UFSP2: variants seen among roughly 807,000 people sequenced by gnomAD.
UFSP2 encodes UFM1 specific peptidase 2, also known as ufm1-specific protease 2.
In UFSP2, 43 loss-of-function variants were observed where a neutral mutation model predicts 60.2. The observed-to-expected ratio is 0.71, with a 90% CI of 0.56 to 0.92. The LOEUF (loss-of-function observed/expected upper bound fraction) is 0.92. Ranked by LOEUF, UFSP2 falls within the 40% of genes least tolerant of loss-of-function variation. UFSP2 has a pLI of 0.00. For synonymous variants in UFSP2, 183 were observed against 195.1 expected (o/e 0.94, Z 0.52); for missense variants, 520 against 575.0 (o/e 0.90, Z 0.98).
intron 11 of UFSP2, chr4:185,402,190 T>C: frequency 2.5e-6 from 1 of 393,984 alleles, no homozygotes; most frequent in East Asian, 7.1e-5. Flanking sequence ...CCTCGTGTAA[T>C]ACTAGTGCTT....
At chr4:185,423,862 G>A (rs938564564) in intron 1 of UFSP2, among the ~76,000 whole-genome samples, 4 of 152,008 alleles carry the variant, frequency 2.6e-5, no homozygotes, top group African/African-American at 9.7e-5. Flanking sequence ...GAAAGAGAGC[G>A]GGAGATTTCT....
chr4:185,411,426 A>G (rs2095529150), intron 7 of UFSP2, among the ~76,000 whole-genome samples: 1 of 152,194 alleles, frequency 6.6e-6, no homozygotes, highest in Non-Finnish European at 1.5e-5. Flanking sequence ...GTATATCACT[A>G]ATAAAAAAAC....
intron 2 of UFSP2, among the ~76,000 whole-genome samples, chr4:185,422,215 A>G (rs2095550677): frequency 6.6e-6 from 1 of 152,202 alleles, no homozygotes; most frequent in African/African-American, 2.4e-5. Context: ...CTCATTGTGG[A>G]TATTTACATT....
chr4:185,405,726 G>T, intron 10 of UFSP2, 54 bp downstream of exon 10: 1 of 1,537,088 alleles, frequency 6.5e-7, no homozygotes, highest in South Asian at 1.2e-5. Context: ...TTATATCAAT[G>T]ATAAGTTTTG....
chr4:185,413,942 G>C, intron 6 of UFSP2, 70 bp from the exon 7 acceptor site: 1 of 1,374,928 alleles, frequency 7.3e-7, no homozygotes, highest in South Asian at 1.5e-5. Context: ...AATAAATAAA[G>C]ATGTTATTAA....
chr4:185,405,894 C>T lies in UFSP2; in HGVS notation c.1122-38G>A. ...CATTTTCTATCAGATGAACTACTTC[C>T]AACACTACGGTCAAATAATGAGCTA... On this transcript the variant is annotated intron_variant, in intron 9 of 11. Transcript: ENST00000264689. 4 of 1,613,662 alleles carry T rather than the reference C, an allele frequency of 2.5e-6. No individual in the cohort carries two copies. In the Admixed American group the frequency reaches 5.0e-5, roughly 20 times the overall value.
chr4:185,420,629 A>C (rs191634815), intron 2 of UFSP2, among the ~76,000 whole-genome samples: 2 of 152,346 alleles, frequency 1.3e-5, no homozygotes, highest in East Asian at 3.9e-4. Flanking sequence ...GCAGAATTTA[A>C]AGATTTTCAG....
At chr4:185,422,210 T>G (rs2153295248) in intron 2 of UFSP2, among the ~76,000 whole-genome samples, 1 of 152,344 alleles carries the variant, frequency 6.6e-6, no homozygotes, top group South Asian at 2.1e-4. Context: ...ACGTGCTCAT[T>G]GTGGATATTT....
At chr4:185,408,151 AT>A (rs921252622) in intron 8 of UFSP2, 91 bp from the exon 9 acceptor site, 79 of 1,531,004 alleles carry the variant, frequency 5.2e-5, no homozygotes, top group South Asian at 7.0e-5. Context: ...CAGTACAAGA[AT>A]TTTTTTTTCT....
In UFSP2 at chr4:185,423,769, T is replaced by C. The variant is rs746787749; in HGVS notation, c.4-1206A>G. On this transcript the variant is annotated intron_variant, in intron 1 of 11. Coordinates refer to ENST00000264689, the MANE Select transcript of UFSP2 (RefSeq NM_018359.5). ...GTATCATTGTTTGTGTACACATATA[T>C]ACACACACAGATACACATATTCATA... Among the ~76,000 whole-genome samples, 18 of 151,850 alleles carry C rather than the reference T, an allele frequency of 1.2e-4. 1 individual carries two copies. The highest frequency in any genetic ancestry group is 1.3e-4 in the Admixed American group (2 of 15,224).
At chr4:185,401,073 GTTATT>G (rs1240163802) in intron 11 of UFSP2, among the ~76,000 whole-genome samples, 5 of 152,262 alleles carry the variant, frequency 3.3e-5, no homozygotes, top group African/African-American at 1.2e-4. Context: ...GGGCCACTGA[GTTATT>G]TTATTAAAGA....
At chr4:185,414,687 T>G (rs559022803) in intron 6 of UFSP2, among the ~76,000 whole-genome samples, 13 of 152,318 alleles carry the variant, frequency 8.5e-5, no homozygotes, top group South Asian at 4.1e-4. Flanking sequence ...CTGGTCATGT[T>G]TTCTCCAAAA....
chr4:185,415,148 G>C lies in UFSP2; in HGVS notation c.684+7C>G. 1 of 1,570,718 alleles carries C rather than the reference G, an allele frequency of 6.4e-7. No homozygotes were observed. The highest frequency in any genetic ancestry group is 2.2e-5 in the Admixed American group (1 of 45,534). On this transcript the variant is annotated splice_region_variant and intron_variant, in intron 6 of 11. Transcript: ENST00000264689. ...GTTTTTTCTAAGAATAGATGAACTGGTTTTACCTTCCTATAGGCCTGCAGC... is the reference window on the plus strand; with the variant it reads ...GTTTTTTCTAAGAATAGATGAACTGCTTTTACCTTCCTATAGGCCTGCAGC...
chr4:185,417,047 T>C (rs934913475), intron 4 of UFSP2, among the ~76,000 whole-genome samples: 5 of 152,106 alleles, frequency 3.3e-5, no homozygotes, highest in Non-Finnish European at 5.9e-5. Flanking sequence ...AGGGAAAAAA[T>C]AGTACCTTTA....
chr4:185,415,772 A>G lies in UFSP2; in HGVS notation c.429T>C (p.Tyr143=). 1.2e-6 allele frequency: 2 copies of G among 1,613,854 alleles called. No homozygotes were observed. Among genetic ancestry groups the G allele is most frequent in the Non-Finnish European group, 1.7e-6 (2 of 1,179,742 alleles). The stretch of plus-strand genomic sequence containing the variant: ...CATCGACAGGTAAAGTCATATTAAC[A>G]TAATGGTGTCCTCCGCTTTCCCTTT... ...IIERESGGHH[Y]VNMTLPVDAV... is the part of the protein sequence containing the mutation. The change falls in exon 5 of 12, where the codon TAT becomes TAC. Residue 143 remains tyrosine, a synonymous_variant. Coordinates refer to ENST00000264689, the MANE Select transcript of UFSP2 (RefSeq NM_018359.5).
At chr4:185,403,701 C>T (rs374579109) in intron 10 of UFSP2, 83 bp from the exon 11 acceptor site, 445 of 1,522,896 alleles carry the variant, frequency 2.9e-4, no homozygotes, top group Non-Finnish European at 3.9e-4. Context: ...CAGATTACGG[C>T]CGGGCGTGGT....
chr4:185,405,005 T>TC (rs2095518610), intron 10 of UFSP2, among the ~76,000 whole-genome samples: 1 of 150,792 alleles, frequency 6.6e-6, no homozygotes, highest in South Asian at 2.1e-4. Flanking sequence ...TCCATTTCTT[T>TC]TTTTTTTTTT....
At position 185,418,793 on chromosome 4, in the gene UFSP2, GAAGTT is replaced by G. The variant is rs753621426; in HGVS notation, c.83-28_83-24del. On this transcript the variant is annotated intron_variant, in intron 2 of 11. Coordinates refer to ENST00000264689, the MANE Select transcript of UFSP2 (RefSeq NM_018359.5). The stretch of plus-strand genomic sequence containing the variant: ...TTTCTAAATTAAAAGAATATAAATA[GAAGTT>G]AAGAAAAACAAATTTTTCAACATGA... The G allele has an allele frequency of 6.4e-6, 10 of 1,551,314 alleles. No homozygotes were observed. The South Asian group carries it at 7.5e-5, about 12-fold the overall frequency.
rs146588124 is a variant in UFSP2, at chr4:185,413,037, G to C, written c.831+689C>G. The stretch of plus-strand genomic sequence containing the variant: ...TTATCCTACAGTGGCTGGGCATGGT[G>C]AATCATGCCTGTAATCCCAGCACTT... On this transcript the variant is annotated intron_variant, in intron 7 of 11. Transcript: ENST00000264689. Among the ~76,000 whole-genome samples the C allele has an allele frequency of 3.3e-3, 507 of 152,310 alleles. 3 individuals are homozygous for C. The highest frequency in any genetic ancestry group is 0.012 in the African/African-American group (489 of 41,572).
Sources: gnomAD v4.1 joint callset for allele counts (sites outside exome capture counted in the v4.1 genomes callset) on GRCh38, gnomAD v4.1.1 for gene constraint, MANE v1.5 for transcripts, NCBI Gene and HGNC (gene_info 2026-07-23, HGNC 2026-07-21) for gene names.